The following PLA2G4E variants were observed in gnomAD, a reference collection of about 807,000 sequenced individuals.
The protein encoded by PLA2G4E is cytosolic phospholipase A2 epsilon.
Under a neutral mutation model 109.1 loss-of-function variants are expected in PLA2G4E, and 84 were observed. The ratio of observed to expected loss-of-function variants is 0.77; its 90% CI spans 0.65 to 0.92. The LOEUF (loss-of-function observed/expected upper bound fraction) is 0.92. Among genes scored for constraint, PLA2G4E ranks in the 40% least tolerant of loss-of-function variants. The pLI is 0.00. For synonymous variants in PLA2G4E, 469 were observed against 436.1 expected (o/e 1.08, Z -0.94); for missense variants, 1,057 against 1,076.6 (o/e 0.98, Z 0.25).
chr15:42,012,594 C>A (rs2068547878), intron 2 of PLA2G4E, among the ~76,000 whole-genome samples: 1 of 152,192 alleles, frequency 6.6e-6, no homozygotes, highest in Non-Finnish European at 1.5e-5. Flanking sequence ...TCTGGATACT[C>A]AGGTCCTGCC....
chr15:42,046,788 T>C (rs1196081321), intron 1 of PLA2G4E, among the ~76,000 whole-genome samples: 2 of 152,208 alleles, frequency 1.3e-5, no homozygotes, highest in African/African-American at 2.4e-5. Context: ...CCAGGTCTTC[T>C]TGAGGGAGTG....
At chr15:42,050,525 G>C (rs1308031841) in exon 1 of PLA2G4E, 1 of 1,550,150 alleles carries the variant, frequency 6.5e-7, no homozygotes, top group East Asian at 2.4e-5. Context: ...ACATACCTCA[G>C]AGCCCCAAGG....
intron 4 of PLA2G4E, 35 bp from the exon 5 acceptor site, chr15:42,005,013 G>A (rs1418554107): frequency 9.3e-6 from 15 of 1,608,868 alleles, no homozygotes; most frequent in African/African-American, 1.3e-5. Context: ...GCTGTGAGTG[G>A]CGTCTGCACA....
At chr15:42,042,316 C>A (rs906331873) in intron 1 of PLA2G4E, among the ~76,000 whole-genome samples, 4 of 151,874 alleles carry the variant, frequency 2.6e-5, no homozygotes, top group African/African-American at 9.7e-5. Flanking sequence ...ATAAAAAAGA[C>A]TGGAAGGAAG....
At chr15:42,023,475 A>G (rs1156673183) in intron 1 of PLA2G4E, among the ~76,000 whole-genome samples, 1 of 152,060 alleles carries the variant, frequency 6.6e-6, no homozygotes, top group East Asian at 1.9e-4. Flanking sequence ...AGGATGATTG[A>G]TGTTGAAACA....
rs34559872 is a variant in PLA2G4E at position 41,996,350 on chromosome 15, G to GAA, written c.1110+772_1110+773dup. Among the ~76,000 whole-genome samples, 520 of 75,080 alleles carry GAA rather than the reference G, an allele frequency of 6.9e-3. 38 individuals are homozygous for GAA. The highest frequency in any genetic ancestry group is 0.024 in the African/African-American group (438 of 17,954). The allele number at this position is 75,080 out of a possible 152,430, so 49.3% of individuals were successfully genotyped here. On this transcript the variant is annotated intron_variant, in intron 11 of 19. Transcript: ENST00000399518. ...GTGACAGAGCAAGACCCTGTCTCAAGAAAAAAAAAAAAAAAAAAAAAAAAA... is the reference window on the plus strand; with the variant it reads ...GTGACAGAGCAAGACCCTGTCTCAAGAAAAAAAAAAAAAAAAAAAAAAAAAAA...
chr15:42,013,702 A>T, exon 2 of PLA2G4E: 1 of 1,550,654 alleles, frequency 6.4e-7, no homozygotes, highest in South Asian at 1.2e-5. Flanking sequence ...AGCCTGCCGG[A>T]CATTTTTCAT....
chr15:41,997,183 C>T lies in PLA2G4E; in HGVS notation c.1051G>A (p.Val351Met), dbSNP rs368926888. ...ACCTGCTTCAGGGCCTTGGCCACCA[C>T]GACCTTCCGCTTCTGCAGAAACTCC... Residue 351 changes from valine to methionine, a missense_variant, in exon 11 of 20, where the codon GTG becomes ATG. Coordinates refer to ENST00000399518, the Ensembl canonical transcript of PLA2G4E. The T allele has an allele frequency of 9.8e-5, 153 of 1,559,714 alleles. No homozygotes were observed. The highest frequency in any genetic ancestry group is 7.8e-4 in the South Asian group (66 of 84,354).
In PLA2G4E at chr15:42,020,116, G is replaced by A. The variant is rs146627435; in HGVS notation, c.184-6359C>T. Among the ~76,000 whole-genome samples, 868 of 152,318 alleles carry A rather than the reference G, an allele frequency of 5.7e-3. 10 individuals are homozygous for A. Among genetic ancestry groups the A allele is most frequent in the African/African-American group, 0.02 (826 of 41,564 alleles). ...AGGGGCATTGGCCACCACCCACCAC[G>A]GAGCTCCCTGACTTGGGCTCCTAGG... On this transcript the variant is annotated intron_variant, in intron 1 of 19. Coordinates refer to ENST00000399518, the Ensembl canonical transcript of PLA2G4E.
intron 1 of PLA2G4E, among the ~76,000 whole-genome samples, chr15:42,017,715 T>G (rs2068609648): frequency 1.3e-5 from 2 of 152,236 alleles, no homozygotes; most frequent in Admixed American, 1.3e-4. Context: ...TCTGACAGAT[T>G]CTTCTTTTCA....
At chr15:42,035,119 A>G (rs971316900) in intron 1 of PLA2G4E, among the ~76,000 whole-genome samples, 2 of 152,192 alleles carry the variant, frequency 1.3e-5, no homozygotes, top group African/African-American at 4.8e-5. Context: ...TGGGAGGCAC[A>G]TGTCTGAACA....
chr15:42,016,381 G>T (rs1426203665), intron 1 of PLA2G4E, among the ~76,000 whole-genome samples: 1 of 151,368 alleles, frequency 6.6e-6, no homozygotes, highest in Non-Finnish European at 1.5e-5. Flanking sequence ...TGTCATATAG[G>T]CTGGAATGCA....
At chr15:42,037,229 T>C (rs1889233232) in intron 1 of PLA2G4E, among the ~76,000 whole-genome samples, 1 of 152,220 alleles carries the variant, frequency 6.6e-6, no homozygotes, top group Admixed American at 6.5e-5. Context: ...AGGCCCCACC[T>C]TCAGGCCAGG....
intron 19 of PLA2G4E, 84 bp from the exon 20 acceptor site, chr15:41,984,058 C>G (rs2068101241): frequency 8.1e-7 from 1 of 1,234,868 alleles, no homozygotes; most frequent in Non-Finnish European, 1.2e-6. Context: ...CAAGGCCCAC[C>G]AACCTGCACT....
intron 13 of PLA2G4E, among the ~76,000 whole-genome samples, 191 bp from the exon 14 acceptor site, chr15:41,990,426 T>C (rs2068224709): frequency 6.6e-6 from 1 of 151,892 alleles, no homozygotes; most frequent in Non-Finnish European, 1.5e-5. Context: ...CACCACCCCC[T>C]CGGGCTGCCC....
chr15:42,034,250 G>A (rs187558065), intron 1 of PLA2G4E, among the ~76,000 whole-genome samples: 13 of 152,296 alleles, frequency 8.5e-5, no homozygotes, highest in African/African-American at 2.6e-4. Context: ...AGTATTTTTG[G>A]AAGTAGAGAC....
chr15:42,023,190 T>C (rs1413346814), intron 1 of PLA2G4E, among the ~76,000 whole-genome samples: 1 of 149,440 alleles, frequency 6.7e-6, no homozygotes, highest in African/African-American at 2.6e-5. Flanking sequence ...GGAGGCTTTG[T>C]GAAAGAACAA....
Position 41,999,908 on chromosome 15 carries a change from G to A in PLA2G4E, c.936+9C>T. On this transcript the variant is annotated intron_variant, in intron 9 of 19. Transcript: ENST00000399518. ...AAGTCAGGGGCCCTTCCCAGACTCAGGCACTCACCACAGGCAGGGTCATCA... is the reference window on the plus strand; with the variant it reads ...AAGTCAGGGGCCCTTCCCAGACTCAAGCACTCACCACAGGCAGGGTCATCA... The A allele has an allele frequency of 1.2e-6, 2 of 1,605,040 alleles. No homozygotes were observed. Among genetic ancestry groups the A allele is most frequent in the African/African-American group, 2.7e-5 (2 of 74,876 alleles).
chr15:41,990,209 C>T, exon 14 of PLA2G4E: 2 of 1,613,712 alleles, frequency 1.2e-6, no homozygotes, highest in South Asian at 2.2e-5. Flanking sequence ...AAGCAGCACG[C>T]TGATCTGACA....
Sources: gnomAD v4.1 joint callset for allele counts (sites outside exome capture counted in the v4.1 genomes callset) on GRCh38, gnomAD v4.1.1 for gene constraint, MANE v1.5 for transcripts, NCBI Gene and HGNC (gene_info 2026-07-23, HGNC 2026-07-21) for gene names.